SGCZ: variants seen among roughly 807,000 people sequenced by gnomAD.
SGCZ encodes the protein zeta-sarcoglycan.
In SGCZ, 40 loss-of-function variants were observed where a neutral mutation model predicts 41.3. The observed-to-expected ratio is 0.97, with a 90% CI of 0.75 to 1.26. SGCZ has a LOEUF of 1.26. Ranked by LOEUF, SGCZ falls within the 50% of genes most tolerant of loss-of-function variation. SGCZ has a pLI of 0.00. For missense variants in SGCZ, 552 were observed against 369.8 expected, an observed-to-expected ratio of 1.49 and a Z score of -4.04; for synonymous variants, 206 against 137.5, an observed-to-expected ratio of 1.50 and a Z score of -3.49.
chr8:14,696,922 AT>A (rs540213227), intron 1 of SGCZ, among the ~76,000 whole-genome samples: 202 of 151,552 alleles, frequency 1.3e-3, no homozygotes, highest in African/African-American at 4.6e-3. Context: ...TTCCCAAGTG[AT>A]GACAGTGAAA....
intron 1 of SGCZ, among the ~76,000 whole-genome samples, chr8:14,781,074 G>C (rs549175777): frequency 9.2e-5 from 14 of 152,240 alleles, no homozygotes; most frequent in African/African-American, 2.9e-4. Flanking sequence ...GTATATGCCT[G>C]AGGGATGCAG....
intron 2 of SGCZ, among the ~76,000 whole-genome samples, chr8:14,457,874 G>A (rs148680455): frequency 0.012 from 1,795 of 152,178 alleles, 33 homozygotes; most frequent in African/African-American, 0.04. Flanking sequence ...GGCCACTACC[G>A]GTCTCCGCGC....
chr8:14,463,141 G>T (rs1478245955), intron 2 of SGCZ, among the ~76,000 whole-genome samples: 1 of 151,086 alleles, frequency 6.6e-6, no homozygotes, highest in Non-Finnish European at 1.5e-5. Context: ...AGATAATTTT[G>T]TTTCTTCCTT....
intron 2 of SGCZ, among the ~76,000 whole-genome samples, chr8:14,437,443 A>C (rs1343051423): frequency 6.6e-6 from 1 of 152,178 alleles, no homozygotes; most frequent in Non-Finnish European, 1.5e-5. Flanking sequence ...CAAATGTGTC[A>C]TCTATTAAGC....
chr8:14,188,835 TTTG>T (rs755692327), intron 4 of SGCZ, among the ~76,000 whole-genome samples: 1,348 of 14,778 alleles, frequency 0.091, 30 homozygotes, highest in African/African-American at 0.39. Context: ...TTTTTTTTTG[TTTG>T]TTTGTTTTTT....
chr8:14,110,434 G>A (rs1285978671), intron 5 of SGCZ, among the ~76,000 whole-genome samples: 2 of 152,068 alleles, frequency 1.3e-5, no homozygotes, highest in African/African-American at 4.8e-5. Context: ...ATAACAGAAT[G>A]TCATCAAAGT....
At chr8:15,007,742 C>T (rs1206252270) in intron 1 of SGCZ, among the ~76,000 whole-genome samples, 2 of 152,130 alleles carry the variant, frequency 1.3e-5, no homozygotes. Context: ...AATCATCAGG[C>T]TTAAGTATCA....
Position 15,170,186 on chromosome 8 carries a change from C to T in SGCZ, c.39+67399G>A, listed in dbSNP as rs115395346. 4.6e-3 allele frequency among the ~76,000 whole-genome samples: 705 copies of T among 152,262 alleles called. 1 individual carries two copies. The highest frequency in any genetic ancestry group is 8.0e-3 in the Non-Finnish European group (547 of 68,020). On this transcript the variant is annotated intron_variant, in intron 1 of 7. Coordinates refer to ENST00000382080, the MANE Select transcript of SGCZ (RefSeq NM_139167.4). The stretch of plus-strand genomic sequence containing the variant: ...TCATAAATAATATTATATACCTGCT[C>T]TCTGACACACCTTGTCTGTGCCTGC...
intron 3 of SGCZ, among the ~76,000 whole-genome samples, chr8:14,274,947 C>T (rs1469349448): frequency 6.6e-6 from 1 of 152,054 alleles, no homozygotes; most frequent in Non-Finnish European, 1.5e-5. Context: ...CACTTCCTAT[C>T]TTAGGTTTGG....
intron 1 of SGCZ, among the ~76,000 whole-genome samples, chr8:14,595,081 C>T (rs1258407582): frequency 6.6e-6 from 1 of 151,680 alleles, no homozygotes; most frequent in East Asian, 1.9e-4. Flanking sequence ...ATACTGTTTC[C>T]TAATTTGTTA....
At chr8:14,102,204 A>G (rs893549228) in intron 7 of SGCZ, among the ~76,000 whole-genome samples, 172 bp downstream of exon 7, 1 of 151,072 alleles carries the variant, frequency 6.6e-6, no homozygotes, top group Admixed American at 6.6e-5. Context: ...TCCCAAATAT[A>G]TACTTCTTGA....
intron 2 of SGCZ, among the ~76,000 whole-genome samples, chr8:14,403,397 G>A (rs1799130499): frequency 6.6e-6 from 1 of 151,384 alleles, no homozygotes. Flanking sequence ...TCCAGTTTTT[G>A]CCCATTCAGT....
At chr8:14,148,212 T>A (rs1803587452) in intron 5 of SGCZ, among the ~76,000 whole-genome samples, 1 of 151,702 alleles carries the variant, frequency 6.6e-6, no homozygotes, top group Non-Finnish European at 1.5e-5. Flanking sequence ...AGAGCAGAGA[T>A]AAATGAAATT....
chr8:14,554,907 A>C lies in SGCZ; in HGVS notation c.59T>G (p.Ile20Arg). 1 of 1,612,004 alleles carries C rather than the reference A, an allele frequency of 6.2e-7. No homozygotes were observed. Among genetic ancestry groups the C allele is most frequent in the Non-Finnish European group, 8.5e-7 (1 of 1,178,770 alleles). Residue 20 changes from isoleucine (I) to arginine (R), a missense_variant, in exon 2 of 8, where the codon ATA becomes AGA. By Grantham distance (97) the Ile-to-Arg change is moderately conservative (BLOSUM62 -3). Transcript: ENST00000382080. ...EELKMTREQY[I>R]LATQQNNLPR... ...CAGGTTATTCTGTTGGGTTGCTAGT[A>C]TGTATTGTTCTCGTGTCATCTGAAA...
chr8:15,018,625 A>G (rs554239154), intron 1 of SGCZ, among the ~76,000 whole-genome samples: 2 of 152,282 alleles, frequency 1.3e-5, no homozygotes, highest in African/African-American at 4.8e-5. Context: ...GAGGGCTGGA[A>G]TGCAGGGACA....
intron 1 of SGCZ, among the ~76,000 whole-genome samples, chr8:15,150,743 C>T (rs1344549886): frequency 1.3e-5 from 2 of 152,170 alleles, no homozygotes; most frequent in Non-Finnish European, 2.9e-5. Context: ...AACTATACTT[C>T]CTGCTTGGTT....
intron 1 of SGCZ, among the ~76,000 whole-genome samples, chr8:15,051,069 G>C: frequency 6.6e-6 from 1 of 152,130 alleles, no homozygotes; most frequent in East Asian, 1.9e-4. Context: ...AGGTTTGATA[G>C]TCATAGAGAT....
intron 5 of SGCZ, among the ~76,000 whole-genome samples, chr8:14,157,971 C>A (rs1803927400): frequency 6.6e-6 from 1 of 152,068 alleles, no homozygotes; most frequent in South Asian, 2.1e-4. Context: ...CACTTGAGGC[C>A]GGGAGTTTGA....
intron 1 of SGCZ, among the ~76,000 whole-genome samples, chr8:14,663,607 T>C (rs1306072319): frequency 6.6e-6 from 1 of 152,150 alleles, no homozygotes; most frequent in East Asian, 1.9e-4. Flanking sequence ...GCTACTTAAA[T>C]AGCATTTAGA....
Sources: gnomAD v4.1 joint callset for allele counts (sites outside exome capture counted in the v4.1 genomes callset) on GRCh38, gnomAD v4.1.1 for gene constraint, MANE v1.5 for transcripts, NCBI Gene and HGNC (gene_info 2026-07-23, HGNC 2026-07-21) for gene names.